The following MRC1 variants were observed in gnomAD, a reference collection of about 807,000 sequenced individuals.
MRC1 encodes the protein mannose receptor C-type 1, also known as macrophage mannose receptor 1.
MRC1 carries 62 observed loss-of-function variants against 102.9 expected under a neutral mutation model. That is an observed-to-expected ratio of 0.60 (90% CI 0.49 to 0.74). MRC1 has a LOEUF of 0.74. MRC1 is among the 30% of genes least tolerant of loss of function. The pLI, the probability that MRC1 is intolerant of heterozygous loss-of-function variation, is 0.00. For missense variants in MRC1, 1,237 were observed against 862.8 expected (o/e 1.43, Z -5.43); for synonymous variants, 457 against 298.4 (o/e 1.53, Z -5.48).
At chr10:17,867,732 T>C (rs1554841624) in intron 12 of MRC1, among the ~76,000 whole-genome samples, 1 of 152,190 alleles carries the variant, frequency 6.6e-6, no homozygotes, top group Non-Finnish European at 1.5e-5. Flanking sequence ...TCTTTTCGTC[T>C]TGATAGAAAT....
chr10:17,879,352 A>T (rs1197798148), intron 18 of MRC1, among the ~76,000 whole-genome samples: 22 of 152,004 alleles, frequency 1.4e-4, no homozygotes, highest in African/African-American at 5.3e-4. Flanking sequence ...AGTAGGCTGT[A>T]GCCAACTATT....
At chr10:17,825,432 T>C (rs999907171) in intron 2 of MRC1, among the ~76,000 whole-genome samples, 2,502 of 152,218 alleles carry the variant, frequency 0.016, 71 homozygotes, top group Middle Eastern at 0.078. Context: ...GGCTCAGTAG[T>C]TATTAAACAG....
chr10:17,865,966 C>A (rs35092172), intron 11 of MRC1, among the ~76,000 whole-genome samples: 11,356 of 152,196 alleles, frequency 0.075, 489 homozygotes, highest in Middle Eastern at 0.095. Flanking sequence ...TTGGAAATAA[C>A]CTTGACTGTA....
intron 7 of MRC1, among the ~76,000 whole-genome samples, chr10:17,852,736 A>G (rs1838935187): frequency 1.3e-5 from 2 of 152,326 alleles, no homozygotes; most frequent in South Asian, 2.1e-4. Flanking sequence ...CATATTCACA[A>G]TGTAAAGGGT....
chr10:17,846,229 G>C (rs953547597), intron 6 of MRC1, among the ~76,000 whole-genome samples: 2 of 151,586 alleles, frequency 1.3e-5, no homozygotes, highest in Non-Finnish European at 2.9e-5. Context: ...TTTAAATATC[G>C]GCTAGACTTC....
chr10:17,838,047 C>G (rs1455842109), intron 4 of MRC1, among the ~76,000 whole-genome samples: 1 of 151,856 alleles, frequency 6.6e-6, no homozygotes, highest in Non-Finnish European at 1.5e-5. Context: ...TTATTAGCCC[C>G]ACTGTATAGA....
intron 2 of MRC1, among the ~76,000 whole-genome samples, 183 bp from the exon 3 acceptor site, chr10:17,827,359 G>GA (rs1456594442): frequency 9.3e-5 from 5 of 53,570 alleles, no homozygotes; most frequent in African/African-American, 3.5e-4. Flanking sequence ...GAAGGAGAAG[G>GA]AAAAAAAATA....
At chr10:17,847,073 A>G (rs1838836778) in intron 6 of MRC1, among the ~76,000 whole-genome samples, 1 of 152,228 alleles carries the variant, frequency 6.6e-6, no homozygotes, top group African/African-American at 2.4e-5. Flanking sequence ...CAGGCTCTCC[A>G]TAGTGACGGT....
At chr10:17,876,934 A>C (rs1312454037) in intron 17 of MRC1, among the ~76,000 whole-genome samples, 1 of 152,118 alleles carries the variant, frequency 6.6e-6, no homozygotes, top group African/African-American at 2.4e-5. Flanking sequence ...GCAGGAAAAA[A>C]TAAGTTGAAC....
At chr10:17,881,777 G>A (rs1308789109) in intron 21 of MRC1, among the ~76,000 whole-genome samples, 2 of 135,046 alleles carry the variant, frequency 1.5e-5, no homozygotes, top group African/African-American at 2.8e-5. Context: ...TCTTGCCTCA[G>A]CTTCCTCAGT....
chr10:17,833,736 C>A lies in MRC1; in HGVS notation c.699C>A (p.Asn233Lys), dbSNP rs982832246. The A allele has an allele frequency of 5.1e-6, 4 of 780,904 alleles. No individual in the cohort carries two copies. Among genetic ancestry groups the A allele is most frequent in the Non-Finnish European group, 9.6e-6 (4 of 418,142 alleles). The allele number at this position is 780,904 out of a possible 1,614,324, so 48.4% of individuals were successfully genotyped here. A position where few individuals can be genotyped will look rare whatever the true frequency, so the allele number is the denominator to read the frequency against. ...DPLTSVSYQI[N>K]SKSALTWHQA... Reference sequence around the variant, plus strand: ...TGACCAGCGTTTCCTACCAGATAAACTCCAAATCCGCTTTAACGTGGCACC... The same window carrying A: ...TGACCAGCGTTTCCTACCAGATAAAATCCAAATCCGCTTTAACGTGGCACC... The change falls in exon 4 of 30, where the codon AAC (asparagine) becomes AAA (lysine). Residue 233 changes from asparagine to lysine, a missense_variant. Asn to Lys is a moderately conservative substitution (Grantham distance 94). Transcript: ENST00000569591.
intron 28 of MRC1, 73 bp downstream of exon 28, chr10:17,907,771 G>A: frequency 1.3e-6 from 1 of 771,240 alleles, no homozygotes; most frequent in Non-Finnish European, 2.4e-6. Context: ...TATCAGGTAT[G>A]GAATCATAAT....
intron 21 of MRC1, 35 bp from the exon 22 acceptor site, chr10:17,885,220 GAGTATTAACTCTCA>G: frequency 2.6e-6 from 2 of 779,096 alleles, no homozygotes; most frequent in South Asian, 2.7e-5. Context: ...TCCATATTTT[GAGTATTAACTCTCA>G]AAGTTTAAAA....
chr10:17,836,267 A>G (rs1233757187), intron 4 of MRC1, among the ~76,000 whole-genome samples: 1 of 152,190 alleles, frequency 6.6e-6, no homozygotes, highest in African/African-American at 2.4e-5. Context: ...TAGAAAAGCA[A>G]TATGATGTCA....
chr10:17,821,435 G>A (rs892472872), intron 1 of MRC1, among the ~76,000 whole-genome samples: 7 of 152,224 alleles, frequency 4.6e-5, no homozygotes, highest in African/African-American at 1.7e-4. Context: ...TTAATTTTAT[G>A]TGTCAACATG....
intron 23 of MRC1, 152 bp from the exon 24 acceptor site, chr10:17,897,882 G>C (rs948189564): frequency 1.4e-6 from 1 of 711,064 alleles, no homozygotes; most frequent in Admixed American, 2.0e-5. Flanking sequence ...GTTTTCTAGT[G>C]TGAAATGGCT....
At chr10:17,870,425 T>A in intron 13 of MRC1, 52 bp downstream of exon 13, 1 of 779,654 alleles carries the variant, frequency 1.3e-6, no homozygotes. Context: ...TTGGTGCTTA[T>A]GAAGTTGAGA....
intron 3 of MRC1, among the ~76,000 whole-genome samples, 181 bp from the exon 4 acceptor site, chr10:17,833,494 C>G (rs2130612484): frequency 7.3e-6 from 1 of 137,504 alleles, no homozygotes; most frequent in South Asian, 2.3e-4. Flanking sequence ...GCACTCCAGC[C>G]TGGGCAACAG....
chr10:17,819,461 G>GTA, intron 1 of MRC1, among the ~76,000 whole-genome samples: 1 of 77,374 alleles, frequency 1.3e-5, no homozygotes, highest in South Asian at 4.3e-4. Context: ...GTATGTGTGT[G>GTA]TGTGTGTGTG....
Sources: gnomAD v4.1 joint callset for allele counts (sites outside exome capture counted in the v4.1 genomes callset) on GRCh38, gnomAD v4.1.1 for gene constraint, MANE v1.5 for transcripts, NCBI Gene and HGNC (gene_info 2026-07-23, HGNC 2026-07-21) for gene names.